The following EIF3M variants were observed in gnomAD, a reference collection of about 807,000 sequenced individuals.
The protein encoded by EIF3M is eukaryotic translation initiation factor 3 subunit M, also known as B5 receptor.
EIF3M carries 25 observed loss-of-function variants against 49.7 expected under a neutral mutation model. That is an observed-to-expected ratio of 0.50 (90% confidence interval 0.37 to 0.70). The LOEUF is 0.70. Among genes scored for constraint, EIF3M ranks in the 30% least tolerant of loss-of-function variants. The pLI is 0.00. For missense variants in EIF3M, 350 were observed against 440.0 expected (o/e 0.80, Z 1.83); for synonymous variants, 156 against 149.8 (o/e 1.04, Z -0.30).
At chr11:32,598,345 T>G (rs1855211077) in intron 8 of EIF3M, among the ~76,000 whole-genome samples, 2 of 152,150 alleles carry the variant, frequency 1.3e-5, no homozygotes. Flanking sequence ...TGCATTAAGG[T>G]TTTGACATAT....
chr11:32,590,877 G>A (rs1169503144), intron 5 of EIF3M, among the ~76,000 whole-genome samples: 6 of 151,490 alleles, frequency 4.0e-5, no homozygotes, highest in Non-Finnish European at 7.4e-5. Context: ...TTGAGATGGA[G>A]TCTTGCTCTG....
In EIF3M at chr11:32,606,067, C is replaced by T. The variant is rs1401436983; in HGVS notation, c.*3668C>T. On this transcript the variant is annotated 3_prime_UTR_variant, in exon 11 of 11. Transcript: ENST00000531120. Reference sequence around the variant, plus strand: ...CTTACTCTGGTTTTCCATCCTCATTCCTGGATATAATCAAGATTGCAGTAG... The same window carrying T: ...CTTACTCTGGTTTTCCATCCTCATTTCTGGATATAATCAAGATTGCAGTAG... The T allele has an allele frequency of 6.6e-6, 1 of 151,616 alleles. No homozygotes were observed. Among genetic ancestry groups the T allele is most frequent in the African/African-American group, 2.4e-5 (1 of 41,256 alleles). The allele number at this position is 151,616 out of a possible 1,614,324, so 9.4% of individuals were successfully genotyped here.
At chr11:32,600,314 T>A (rs1158613786) in intron 8 of EIF3M, among the ~76,000 whole-genome samples, 1 of 151,868 alleles carries the variant, frequency 6.6e-6, no homozygotes, top group Non-Finnish European at 1.5e-5. Flanking sequence ...AAAATAAGCT[T>A]AGGTAATTTA....
In EIF3M at chr11:32,602,782, A is replaced by C; in HGVS notation, c.*383A>C. The stretch of plus-strand genomic sequence containing the variant: ...AACTATACCAGAATTTCAGTTACAT[A>C]ATTTCACTACTGAAAGCACTTATCT... On this transcript the variant is annotated 3_prime_UTR_variant, in exon 11 of 11. Coordinates refer to ENST00000531120, the MANE Select transcript of EIF3M (RefSeq NM_006360.6). 7.1e-7 allele frequency: 1 copy of C among 1,417,568 alleles called. No homozygotes were observed. The highest frequency in any genetic ancestry group is 9.6e-7 in the Non-Finnish European group (1 of 1,042,260). The allele number at this position is 1,417,568 out of a possible 1,614,324, so 87.8% of individuals were successfully genotyped here.
intron 5 of EIF3M, chr11:32,592,495 A>G (rs893670638): frequency 1.5e-5 from 8 of 523,900 alleles, no homozygotes; most frequent in Admixed American, 4.2e-5. Context: ...GCTTTACAGA[A>G]CTCTCTCTAG....
intron 6 of EIF3M, chr11:32,594,649 C>T (rs1855152303): frequency 1.0e-5 from 3 of 299,506 alleles, no homozygotes; most frequent in Non-Finnish European, 1.9e-5. Context: ...TGTGGTTCTG[C>T]TGCTGCTTAC....
rs1286751980 is a variant in EIF3M, at chr11:32,604,197, A to G, written c.*1798A>G. On this transcript the variant is annotated 3_prime_UTR_variant, in exon 11 of 11. Coordinates refer to ENST00000531120, the MANE Select transcript of EIF3M (RefSeq NM_006360.6). ...GAGTGCAGTGGCACAATCACAGCTC[A>G]TTGCAGCCTTGACCTCCCTGGATTC... 6.6e-6 allele frequency: 1 copy of G among 152,318 alleles called. No individual in the cohort carries two copies. The highest frequency in any genetic ancestry group is 2.4e-5 in the African/African-American group (1 of 41,464). The allele number at this position is 152,318 out of a possible 1,614,324, so 9.4% of individuals were successfully genotyped here.
chr11:32,586,948 GA>G, intron 1 of EIF3M, 63 bp from the exon 2 acceptor site: 1 of 1,476,176 alleles, frequency 6.8e-7, no homozygotes, highest in Non-Finnish European at 9.0e-7. Flanking sequence ...TCAGAAAGAG[GA>G]CAGAATTTGA....
At chr11:32,584,423 C>CCAGTGAACATAGTACT (rs1854960178) in intron 1 of EIF3M, 2 of 156,594 alleles carry the variant, frequency 1.3e-5, no homozygotes, top group African/African-American at 4.8e-5. Context: ...CTGGCTAACA[C>CCAGTGAACATAGTACT]GGTGAAACCC....
At chr11:32,598,352 ATAT>A (rs1855211208) in intron 8 of EIF3M, among the ~76,000 whole-genome samples, 1 of 152,200 alleles carries the variant, frequency 6.6e-6, no homozygotes, top group Non-Finnish European at 1.5e-5. Flanking sequence ...AGGTTTTGAC[ATAT>A]TAGTAATGAA....
At chr11:32,586,445 C>T (rs768174033) in intron 1 of EIF3M, among the ~76,000 whole-genome samples, 3 of 152,148 alleles carry the variant, frequency 2.0e-5, no homozygotes, top group Non-Finnish European at 4.4e-5. Context: ...AGTTACATAA[C>T]AGATCCAGTT....
chr11:32,602,062 AT>A (rs1190859621), intron 10 of EIF3M: 2 of 900,798 alleles, frequency 2.2e-6, no homozygotes, highest in Non-Finnish European at 3.4e-6. Flanking sequence ...AATGACTTTT[AT>A]GTCTGCTTTA....
chr11:32,600,983 G>A (rs1244048668), intron 9 of EIF3M, 151 bp downstream of exon 9: 2 of 1,001,934 alleles, frequency 2.0e-6, no homozygotes, highest in Non-Finnish European at 2.8e-6. Flanking sequence ...TATATTTGTT[G>A]TAGGGTGAAA....
chr11:32,584,036 C>T, intron 1 of EIF3M, 107 bp downstream of exon 1: 1 of 1,434,944 alleles, frequency 7.0e-7, no homozygotes, highest in Non-Finnish European at 9.6e-7. Context: ...ACACCCGCAG[C>T]TGTTCTACAC....
intron 4 of EIF3M, 90 bp from the exon 5 acceptor site, chr11:32,589,457 G>A (rs149778891): frequency 3.5e-5 from 46 of 1,315,288 alleles, no homozygotes; most frequent in African/African-American, 3.1e-4. Flanking sequence ...GATTATAGGC[G>A]TGAGCCACCA....
At chr11:32,598,222 A>C (rs953345696) in intron 8 of EIF3M, among the ~76,000 whole-genome samples, 3 of 152,288 alleles carry the variant, frequency 2.0e-5, no homozygotes, top group Middle Eastern at 3.4e-3. Flanking sequence ...TCAAAGGAGC[A>C]CTGGTTCATA....
rs920106958 is a variant in EIF3M, at chr11:32,602,081, G to A, written c.1005-198G>A. On this transcript the variant is annotated intron_variant, in intron 10 of 10. Coordinates refer to ENST00000531120, the MANE Select transcript of EIF3M (RefSeq NM_006360.6). The stretch of plus-strand genomic sequence containing the variant: ...ACTTTTATGTCTGCTTTATATAGTT[G>A]CTCAGGAGAATTAGAAGGCTTAGGA... 8 of 948,700 alleles carry A rather than the reference G, an allele frequency of 8.4e-6. No individual in the cohort carries two copies. In the Admixed American group the frequency reaches 1.8e-4, roughly 21 times the overall value. The allele number at this position is 948,700 out of a possible 1,614,324, so 58.8% of individuals were successfully genotyped here. A position where few individuals can be genotyped will look rare whatever the true frequency, so the allele number is the denominator to read the frequency against.
chr11:32,585,101 G>A lies in EIF3M; in HGVS notation c.42+1172G>A, dbSNP rs1854974836. 2.0e-5 allele frequency among the ~76,000 whole-genome samples: 3 copies of A among 151,784 alleles called. No individual in the cohort carries two copies. The South Asian group carries it at 6.3e-4, about 32-fold the overall frequency. ...TGAGTTCCCCCTCTCTCCTCCCCCC[G>A]CCCCATGGTAGGAATGCAGTTCCGA... is the stretch of plus-strand genomic sequence containing the variant. On this transcript the variant is annotated intron_variant, in intron 1 of 10. Transcript: ENST00000531120.
chr11:32,586,784 G>A (rs1855006687), intron 1 of EIF3M: 1 of 361,060 alleles, frequency 2.8e-6, no homozygotes, highest in East Asian at 4.4e-5. Flanking sequence ...TTCTGAAGGT[G>A]ATCCATGGGG....
Sources: gnomAD v4.1 joint callset for allele counts (sites outside exome capture counted in the v4.1 genomes callset) on GRCh38, gnomAD v4.1.1 for gene constraint, MANE v1.5 for transcripts, NCBI Gene and HGNC (gene_info 2026-07-23, HGNC 2026-07-21) for gene names.